The following QTGAL variants were observed in gnomAD, a reference collection of about 807,000 sequenced individuals.
QTGAL encodes the protein queuosine-tRNA galactosyltransferase.
chr17:82,956,213 C>T, the QTGAL span, among the ~76,000 whole-genome samples: 1 of 151,910 alleles, frequency 6.6e-6, no homozygotes, highest in Admixed American at 6.6e-5. This position sits in a 1 kb window ranked among gnomAD's most constrained non-coding sequence, Gnocchi z 5.7. Flanking sequence ...AGCCTGGACT[C>T]CCCACGCTTG....
the QTGAL span, chr17:82,946,994 C>G: frequency 6.4e-7 from 1 of 1,554,734 alleles, no homozygotes; most frequent in Non-Finnish European, 8.7e-7. Flanking sequence ...CTGTCAGGAG[C>G]AGCAGATTCA....
chr17:83,018,702 G>A, the QTGAL span, among the ~76,000 whole-genome samples: 1 of 152,222 alleles, frequency 6.6e-6, no homozygotes, highest in Non-Finnish European at 1.5e-5. Flanking sequence ...AGGTCGCAAT[G>A]GGCCGGGCTC....
At chr17:82,966,046 A>T in the QTGAL span, among the ~76,000 whole-genome samples, 1 of 149,640 alleles carries the variant, frequency 6.7e-6, no homozygotes, top group Admixed American at 6.7e-5. Context: ...GGTAGCTGGG[A>T]CCACAGGCGT....
the QTGAL span, among the ~76,000 whole-genome samples, chr17:82,983,878 G>C: frequency 6.6e-6 from 1 of 152,250 alleles, no homozygotes; most frequent in African/African-American, 2.4e-5. Context: ...GGTTACGTGA[G>C]TCCCAAAGGT....
the QTGAL span, among the ~76,000 whole-genome samples, chr17:82,989,495 TAAA>T: frequency 0.021 from 2,621 of 122,500 alleles, 50 homozygotes; most frequent in African/African-American, 0.051. Context: ...ATTCTGGAAC[TAAA>T]AAAAAAAAAA....
chr17:83,029,148 G>A, the QTGAL span, among the ~76,000 whole-genome samples: 6 of 152,172 alleles, frequency 3.9e-5, no homozygotes, highest in Non-Finnish European at 7.3e-5. Context: ...TTACACAGGC[G>A]TGTGAGCTGT....
chr17:82,951,296 C>G, the QTGAL span, among the ~76,000 whole-genome samples: 2 of 152,186 alleles, frequency 1.3e-5, no homozygotes, highest in East Asian at 3.9e-4. Flanking sequence ...TTCTGGAGAG[C>G]CTGCTGCCTC....
At chr17:82,953,237 A>G in the QTGAL span, among the ~76,000 whole-genome samples, 5 of 152,272 alleles carry the variant, frequency 3.3e-5, no homozygotes, top group South Asian at 4.1e-4. Context: ...AAAAAAATCA[A>G]TGACTGGTTT....
the QTGAL span, chr17:82,949,558 C>T: frequency 3.9e-5 from 6 of 152,098 alleles, no homozygotes; most frequent in Non-Finnish European, 7.3e-5. Flanking sequence ...GACCACCTCT[C>T]AAAAGGATGG....
the QTGAL span, among the ~76,000 whole-genome samples, chr17:82,972,678 G>A: frequency 3.4e-4 from 42 of 122,358 alleles, 4 homozygotes; most frequent in African/African-American, 1.2e-3. Context: ...AGAAGGACCC[G>A]GTACTGACCA....
the QTGAL span, among the ~76,000 whole-genome samples, chr17:82,976,413 G>A: frequency 2.7e-5 from 1 of 36,978 alleles, no homozygotes; most frequent in Non-Finnish European, 4.8e-5. Context: ...GACAGAGCCG[G>A]ACTCCATCCT....
At chr17:82,989,064 C>T in the QTGAL span, among the ~76,000 whole-genome samples, 1 of 152,144 alleles carries the variant, frequency 6.6e-6, no homozygotes, top group Admixed American at 6.6e-5. Flanking sequence ...ATGTTCACTG[C>T]AGCACCATTC....
chr17:83,005,569 A>G, the QTGAL span: 1 of 702,566 alleles, frequency 1.4e-6, no homozygotes, highest in Non-Finnish European at 2.6e-6. This position sits in a 1 kb window ranked among gnomAD's most constrained non-coding sequence, Gnocchi z 5.6. Context: ...ATTTCTAAGA[A>G]CTCACTTCTT....
chr17:83,006,399 G>C, the QTGAL span: 1 of 985,396 alleles, frequency 1.0e-6, no homozygotes, highest in Non-Finnish European at 1.2e-6. This position sits in a 1 kb window ranked among gnomAD's most constrained non-coding sequence, Gnocchi z 5.8. Context: ...CTTACTTTGA[G>C]AAAATTGTGA....
the QTGAL span, among the ~76,000 whole-genome samples, chr17:83,046,160 C>T: frequency 0.38 from 57,157 of 151,336 alleles, 11,256 homozygotes; most frequent in East Asian, 0.58. Flanking sequence ...GATGGAGTCT[C>T]ACTCTGTCAC....
the QTGAL span, among the ~76,000 whole-genome samples, chr17:83,020,229 T>C: frequency 2.0e-5 from 3 of 151,168 alleles, no homozygotes; most frequent in Non-Finnish European, 3.0e-5. Flanking sequence ...CGATATAAAG[T>C]GTAAGAGGGT....
chr17:82,960,474 T>C, the QTGAL span: 5 of 152,286 alleles, frequency 3.3e-5, no homozygotes, highest in Non-Finnish European at 5.9e-5. Context: ...AGGAGGGAAC[T>C]GTCTGCCCGG....
the QTGAL span, among the ~76,000 whole-genome samples, chr17:82,983,486 C>T: frequency 2.6e-5 from 4 of 152,298 alleles, no homozygotes; most frequent in Middle Eastern, 3.4e-3. Flanking sequence ...CACTCGGGCA[C>T]GCGTTAGAGA....
At chr17:82,962,634 C>T in the QTGAL span, among the ~76,000 whole-genome samples, 10,861 of 122,582 alleles carry the variant, frequency 0.089, 564 homozygotes, top group Middle Eastern at 0.12. Flanking sequence ...GAGGCTCCCG[C>T]GGGTGCTGGT....
Sources: gnomAD v4.1 joint callset for allele counts (sites outside exome capture counted in the v4.1 genomes callset) on GRCh38, gnomAD v4.1.1 for gene constraint, Gnocchi (gnomAD v3.1) non-coding constraint, MANE v1.5 for transcripts, NCBI Gene and HGNC (gene_info 2026-07-23, HGNC 2026-07-21) for gene names.